BICRAL: variants seen among roughly 807,000 people sequenced by gnomAD.
The protein encoded by BICRAL is BICRA like chromatin remodeling complex associated protein, also known as BRD4-interacting chromatin-remodeling complex-associated protein-like.
In BICRAL, 8 loss-of-function variants were observed where a neutral mutation model predicts 91.8. The ratio of observed to expected loss-of-function variants is 0.09; its 90% CI spans 0.05 to 0.16. BICRAL has a LOEUF of 0.16. Among genes scored for constraint, BICRAL ranks in the 10% least tolerant of loss-of-function variants. The pLI, the probability that BICRAL is intolerant of heterozygous loss-of-function variation, is 1.00. For synonymous variants in BICRAL, 445 were observed against 491.1 expected (o/e 0.91, Z 1.24); for missense variants, 1,038 against 1,310.9 (o/e 0.79, Z 3.21).
intron 1 of BICRAL, among the ~76,000 whole-genome samples, chr6:42,803,755 A>G (rs1435825122): frequency 6.6e-6 from 1 of 152,216 alleles, no homozygotes; most frequent in Non-Finnish European, 1.5e-5. Context: ...GAAGGAGGAT[A>G]CGTTCTGAGA....
chr6:42,841,283 G>A (rs527966756), intron 6 of BICRAL, among the ~76,000 whole-genome samples: 4 of 149,006 alleles, frequency 2.7e-5, no homozygotes, highest in South Asian at 4.3e-4. Context: ...CCACCTCCCG[G>A]GTTCAAGCGA....
At chr6:42,849,441 A>ATTTTT (rs34512306) in intron 6 of BICRAL, among the ~76,000 whole-genome samples, 1 of 135,334 alleles carries the variant, frequency 7.4e-6, no homozygotes, top group Non-Finnish European at 1.6e-5. Flanking sequence ...TTTAGAACAG[A>ATTTTT]TTTTTTTTTT....
In BICRAL at chr6:42,867,621, G is replaced by A. The variant is rs1765750079; in HGVS notation, c.*2175G>A. On this transcript the variant is annotated 3_prime_UTR_variant, in exon 13 of 13. Coordinates refer to ENST00000314073, the MANE Select transcript of BICRAL (RefSeq NM_001393499.1). ...GGAAGCCTTCATGTGGGCTGCTAGT[G>A]AGTTACATTAATTACTGCAAATCAG... is the stretch of plus-strand genomic sequence containing the variant. 6.6e-6 allele frequency: 1 copy of A among 152,218 alleles called. No individual in the cohort carries two copies. The highest frequency in any genetic ancestry group is 6.6e-5 in the Admixed American group (1 of 15,252). The allele number at this position is 152,218 out of a possible 1,614,324, so 9.4% of individuals were successfully genotyped here.
At chr6:42,796,834 G>GT (rs1763423947) in intron 1 of BICRAL, among the ~76,000 whole-genome samples, 1 of 152,056 alleles carries the variant, frequency 6.6e-6, no homozygotes, top group Non-Finnish European at 1.5e-5. Flanking sequence ...ATCACCTGAG[G>GT]TCAGGAGTTC....
chr6:42,807,370 A>G (rs1246317978), intron 1 of BICRAL, among the ~76,000 whole-genome samples: 1 of 151,348 alleles, frequency 6.6e-6, no homozygotes, highest in Non-Finnish European at 1.5e-5. Context: ...TTTTTAGTAG[A>G]GATGGGGTTT....
Position 42,864,829 on chromosome 6 carries a change from C to G in BICRAL, c.2623C>G (p.His875Asp). 6.2e-7 allele frequency: 1 copy of G among 1,614,210 alleles called. No homozygotes were observed. Among genetic ancestry groups the G allele is most frequent in the Non-Finnish European group, 8.5e-7 (1 of 1,180,032 alleles). Residue 875 changes from histidine to aspartate, a missense_variant, in exon 13 of 13, where the codon CAT becomes GAT. By Grantham distance (81) the His-to-Asp change is moderately conservative. Transcript: ENST00000314073. ...AKTGVTEPMNHDQFHLVPNHI... is the reference protein window; with the variant it reads ...AKTGVTEPMNDDQFHLVPNHI... ...AACCGGTGTGACGGAACCCATGAATCATGACCAGTTTCATCTAGTGCCTAA... is the reference window on the plus strand; with the variant it reads ...AACCGGTGTGACGGAACCCATGAATGATGACCAGTTTCATCTAGTGCCTAA...
At chr6:42,780,725 ATGT>A (rs775257336), upstream of BICRAL, among the ~76,000 whole-genome samples, 10 of 145,086 alleles carry the variant, frequency 6.9e-5, no homozygotes, top group Admixed American at 1.4e-4. Context: ...AGGCCACGTA[ATGT>A]TGTTGTTGTT....
intron 1 of BICRAL, among the ~76,000 whole-genome samples, chr6:42,766,851 T>A (rs867559954): frequency 6.6e-6 from 1 of 152,054 alleles, no homozygotes; most frequent in Non-Finnish European, 1.5e-5. Flanking sequence ...CCATCCTGGC[T>A]AACACAGTGA....
chr6:42,748,018 C>T (rs1297999370), intron 1 of BICRAL, among the ~76,000 whole-genome samples: 1 of 150,798 alleles, frequency 6.6e-6, no homozygotes, highest in African/African-American at 2.4e-5. Flanking sequence ...TGGTCAGGCT[C>T]GTCTCGAACT....
chr6:42,858,286 C>T (rs1214314747), intron 10 of BICRAL, among the ~76,000 whole-genome samples: 1 of 149,434 alleles, frequency 6.7e-6, no homozygotes. Context: ...GAGGCTGAGG[C>T]AGGCCGATCA....
Position 42,859,284 on chromosome 6 carries a change from C to T in BICRAL, c.2255-978C>T, listed in dbSNP as rs560151832. Among the ~76,000 whole-genome samples, 16 of 151,376 alleles carry T rather than the reference C, an allele frequency of 1.1e-4. 1 individual carries two copies. In the South Asian group the frequency reaches 1.3e-3, roughly 12 times the overall value. ...GTGCACACCTGTAGTCCCAGCTACT[C>T]GGGAGGCTGAGGCAGGAGACTCACT... On this transcript the variant is annotated intron_variant, in intron 10 of 12. Coordinates refer to ENST00000314073, the MANE Select transcript of BICRAL (RefSeq NM_001393499.1).
intron 1 of BICRAL, among the ~76,000 whole-genome samples, chr6:42,783,266 G>A (rs989935270): frequency 6.6e-6 from 1 of 151,930 alleles, no homozygotes; most frequent in Non-Finnish European, 1.5e-5. Flanking sequence ...CCCCAGCCGC[G>A]CGGAGGACCG....
chr6:42,857,614 A>AAAAAAAATATAT, intron 10 of BICRAL, among the ~76,000 whole-genome samples: 228 of 96,150 alleles, frequency 2.4e-3, no homozygotes, highest in African/African-American at 4.1e-3. Context: ...AAAAAAAAAA[A>AAAAAAAATATAT]ATATATATAT....
At chr6:42,805,682 G>A (rs1295818332) in intron 1 of BICRAL, among the ~76,000 whole-genome samples, 1 of 152,090 alleles carries the variant, frequency 6.6e-6, no homozygotes, top group Non-Finnish European at 1.5e-5. Flanking sequence ...ACTTTCTAAT[G>A]TAAATATGAG....
intron 1 of BICRAL, among the ~76,000 whole-genome samples, chr6:42,795,355 T>A (rs1763390667): frequency 6.6e-6 from 1 of 151,956 alleles, no homozygotes. Context: ...TGCTTGAACC[T>A]GGGAGGTGGA....
At chr6:42,859,290 GC>G (rs1369733755) in intron 10 of BICRAL, among the ~76,000 whole-genome samples, 4 of 151,920 alleles carry the variant, frequency 2.6e-5, no homozygotes, top group Non-Finnish European at 5.9e-5. Flanking sequence ...TACTCGGGAG[GC>G]TGAGGCAGGA....
rs2114024592 is a variant in BICRAL at position 42,855,297 on chromosome 6, T to C, written c.2047-559T>C. Among the ~76,000 whole-genome samples, 2 of 152,236 alleles carry C rather than the reference T, an allele frequency of 1.3e-5. 1 individual carries two copies. The highest frequency in any genetic ancestry group is 6.8e-3 in the Middle Eastern group (2 of 294). ...GGCTCACACCTGTAATCCCAACACTTTGGGAGGCCAAGGCAGGCGGATGGC... is the reference window on the plus strand; with the variant it reads ...GGCTCACACCTGTAATCCCAACACTCTGGGAGGCCAAGGCAGGCGGATGGC... On this transcript the variant is annotated intron_variant, in intron 8 of 12. Coordinates refer to ENST00000314073, the MANE Select transcript of BICRAL (RefSeq NM_001393499.1).
At chr6:42,856,153 C>CA (rs1164036927) in intron 9 of BICRAL, among the ~76,000 whole-genome samples, 6 of 151,510 alleles carry the variant, frequency 4.0e-5, no homozygotes, top group South Asian at 4.2e-4. Flanking sequence ...CATGGCTCTG[C>CA]AAAAAATACA....
At chr6:42,765,732 G>A (rs1048014379) in intron 1 of BICRAL, among the ~76,000 whole-genome samples, 1 of 152,108 alleles carries the variant, frequency 6.6e-6, no homozygotes, top group Non-Finnish European at 1.5e-5. Flanking sequence ...ACAAGTGGGC[G>A]ATTCCTGGTG....
Sources: gnomAD v4.1 joint callset for allele counts (sites outside exome capture counted in the v4.1 genomes callset) on GRCh38, gnomAD v4.1.1 for gene constraint, MANE v1.5 for transcripts, NCBI Gene and HGNC (gene_info 2026-07-23, HGNC 2026-07-21) for gene names.